The following PLA2G4A variants were observed in gnomAD, a reference collection of about 807,000 sequenced individuals.
The protein encoded by PLA2G4A is cytosolic phospholipase A2.
PLA2G4A carries 40 observed loss-of-function variants against 81.9 expected under a neutral mutation model. That is an observed-to-expected ratio of 0.49 (90% CI 0.38 to 0.64). PLA2G4A has a LOEUF of 0.64. Among genes scored for constraint, PLA2G4A ranks in the 30% least tolerant of loss-of-function variants. PLA2G4A has a pLI of 0.00. For missense variants in PLA2G4A, 715 were observed against 905.1 expected (o/e 0.79, Z 2.69); for synonymous variants, 302 against 296.9 (o/e 1.02, Z -0.18).
chr1:186,878,855 G>C (rs1465662302), intron 3 of PLA2G4A, among the ~76,000 whole-genome samples: 5 of 151,778 alleles, frequency 3.3e-5, no homozygotes, highest in Admixed American at 3.3e-4. Flanking sequence ...GAAAGTATGT[G>C]ATTAAAATCT....
At chr1:186,831,530 C>G (rs1651590399) in intron 1 of PLA2G4A, among the ~76,000 whole-genome samples, 3 of 152,194 alleles carry the variant, frequency 2.0e-5, no homozygotes, top group African/African-American at 7.2e-5. Flanking sequence ...AAATCAGATG[C>G]AAGTTATTTT....
At chr1:186,878,554 G>T (rs1039782213) in intron 3 of PLA2G4A, among the ~76,000 whole-genome samples, 1 of 151,538 alleles carries the variant, frequency 6.6e-6, no homozygotes, top group Non-Finnish European at 1.5e-5. Context: ...GTTTCATAAC[G>T]CATGTCTCTC....
chr1:186,858,409 T>C (rs138844218), intron 2 of PLA2G4A, among the ~76,000 whole-genome samples: 2,439 of 152,310 alleles, frequency 0.016, 76 homozygotes, highest in African/African-American at 0.056. Flanking sequence ...TGTCTTCTTT[T>C]GAGAAGTGTC....
rs553711736 is a variant in PLA2G4A at position 186,954,321 on chromosome 1, TCAG to T, written c.1337-1778_1337-1776del. Among the ~76,000 whole-genome samples, 260 of 152,258 alleles carry T rather than the reference TCAG, an allele frequency of 1.7e-3. 1 individual carries two copies. Among genetic ancestry groups the T allele is most frequent in the African/African-American group, 6.0e-3 (251 of 41,548 alleles). Reference sequence around the variant, plus strand: ...TGCATGAAGCTGGAAACCATCATTCTCAGCAAACTATCACAAAGACAGAAAACC... The same window carrying T: ...TGCATGAAGCTGGAAACCATCATTCTCAAACTATCACAAAGACAGAAAACC... On this transcript the variant is annotated intron_variant, in intron 13 of 17. Coordinates refer to ENST00000367466, the MANE Select transcript of PLA2G4A (RefSeq NM_024420.3).
intron 2 of PLA2G4A, among the ~76,000 whole-genome samples, chr1:186,855,306 A>C (rs1188385992): frequency 6.9e-6 from 1 of 145,668 alleles, no homozygotes; most frequent in Non-Finnish European, 1.5e-5. Flanking sequence ...TTTTCTTGAA[A>C]CTCTTCTCAG....
chr1:186,902,587 T>C (rs1198186704), intron 5 of PLA2G4A, among the ~76,000 whole-genome samples: 1 of 152,128 alleles, frequency 6.6e-6, no homozygotes, highest in Non-Finnish European at 1.5e-5. Flanking sequence ...CCAGGTAGCC[T>C]GAGGCAACTG....
intron 8 of PLA2G4A, among the ~76,000 whole-genome samples, chr1:186,935,838 G>T (rs1455239412): frequency 6.6e-6 from 1 of 151,954 alleles, no homozygotes; most frequent in Non-Finnish European, 1.5e-5. Context: ...ATGTGGAGAA[G>T]CCCTGGACCT....
At chr1:186,965,615 T>G in intron 15 of PLA2G4A, 22 bp downstream of exon 15, 1 of 1,526,150 alleles carries the variant, frequency 6.6e-7, no homozygotes, top group Non-Finnish European at 9.1e-7. Flanking sequence ...TAATACAGCA[T>G]TCCATTCTCT....
At chr1:186,923,430 C>A (rs1307492538) in intron 7 of PLA2G4A, among the ~76,000 whole-genome samples, 1 of 152,150 alleles carries the variant, frequency 6.6e-6, no homozygotes, top group East Asian at 1.9e-4. Context: ...ATTACAAATT[C>A]TTTTCATTTC....
Position 186,968,398 on chromosome 1 carries a change from GTA to G in PLA2G4A, c.1764+2807_1764+2808del, listed in dbSNP as rs201485245. ...TTCTTCTAGTCTCTTTTCGCGGTGT[GTA>G]TGTGTGTGTGTGTGTGTGTGTGTGT... On this transcript the variant is annotated intron_variant, in intron 15 of 17. Coordinates refer to ENST00000367466, the MANE Select transcript of PLA2G4A (RefSeq NM_024420.3). Among the ~76,000 whole-genome samples, 508 of 138,438 alleles carry G rather than the reference GTA, an allele frequency of 3.7e-3. 6 individuals carry two copies. Among genetic ancestry groups the G allele is most frequent in the Middle Eastern group, 0.021 (6 of 284 alleles). 90.8% of individuals were successfully genotyped at this position (138,438 alleles called of 152,430 possible).
intron 5 of PLA2G4A, among the ~76,000 whole-genome samples, chr1:186,901,482 A>G (rs1049269530): frequency 1.3e-5 from 2 of 152,170 alleles, no homozygotes; most frequent in Non-Finnish European, 2.9e-5. Context: ...TTTTTGGATG[A>G]ATGAATATAT....
intron 4 of PLA2G4A, among the ~76,000 whole-genome samples, chr1:186,893,709 A>C (rs1654230767): frequency 6.6e-6 from 1 of 152,120 alleles, no homozygotes; most frequent in Admixed American, 6.6e-5. Flanking sequence ...AGATCACTTG[A>C]GGTCAGGAGC....
At chr1:186,865,351 A>C (rs1457240539) in intron 2 of PLA2G4A, among the ~76,000 whole-genome samples, 1 of 152,128 alleles carries the variant, frequency 6.6e-6, no homozygotes, top group Non-Finnish European at 1.5e-5. Flanking sequence ...AAAAATAGAT[A>C]ATGCTGATCA....
At chr1:186,975,736 A>G (rs1218164129) in intron 15 of PLA2G4A, among the ~76,000 whole-genome samples, 1 of 152,156 alleles carries the variant, frequency 6.6e-6, no homozygotes, top group Admixed American at 6.5e-5. Context: ...GGGGAGTATC[A>G]CTGTACACTG....
intron 3 of PLA2G4A, among the ~76,000 whole-genome samples, chr1:186,878,742 A>T (rs1309913295): frequency 6.6e-6 from 1 of 151,786 alleles, no homozygotes; most frequent in African/African-American, 2.4e-5. Context: ...TTGTTTGTGT[A>T]TGTGTGTATT....
intron 7 of PLA2G4A, among the ~76,000 whole-genome samples, chr1:186,926,631 C>T (rs1332970382): frequency 2.0e-5 from 3 of 152,186 alleles, no homozygotes; most frequent in East Asian, 1.9e-4. Flanking sequence ...GTACAATGAA[C>T]AAGAACAGTC....
chr1:186,987,533 G>C (rs1030166095), intron 17 of PLA2G4A, among the ~76,000 whole-genome samples: 17 of 152,178 alleles, frequency 1.1e-4, no homozygotes, highest in African/African-American at 3.9e-4. Context: ...CTGGGAAATG[G>C]AGTCTTCCTG....
At chr1:186,981,248 T>C (rs1453866094) in intron 17 of PLA2G4A, among the ~76,000 whole-genome samples, 2 of 152,208 alleles carry the variant, frequency 1.3e-5, no homozygotes, top group East Asian at 3.8e-4. Context: ...TGTAGGAATA[T>C]ACAAATACCA....
chr1:186,906,849 G>A (rs182501171), intron 5 of PLA2G4A, 116 bp from the exon 6 acceptor site: 1 of 642,720 alleles, frequency 1.6e-6, no homozygotes, highest in Admixed American at 2.6e-5. Flanking sequence ...TATTTTTAGG[G>A]TTTTGTTTTT....
Sources: allele counts gnomAD v4.1 joint callset (sites outside exome capture counted in the v4.1 genomes callset), GRCh38; gene constraint gnomAD v4.1.1; transcripts MANE v1.5; gene names NCBI Gene and HGNC (gene_info 2026-07-23, HGNC 2026-07-21).